SOX5: variants seen among roughly 807,000 people sequenced by gnomAD.
SOX5 encodes transcription factor SOX-5.
Under a neutral mutation model 92.0 loss-of-function variants are expected in SOX5, and 9 were observed. The observed-to-expected ratio is 0.10, with a 90% confidence interval of 0.06 to 0.17. The LOEUF (loss-of-function observed/expected upper bound fraction) is 0.17, where lower values mean the gene tolerates loss of function less well. Ranked by LOEUF, SOX5 falls within the 10% of genes least tolerant of loss-of-function variation. The pLI is 1.00. For missense variants in SOX5, 642 were observed against 944.5 expected, an observed-to-expected ratio of 0.68 and a Z score of 4.20; for synonymous variants, 344 against 336.3, an observed-to-expected ratio of 1.02 and a Z score of -0.25.
chr12:23,834,445 G>A (rs182295624), intron 3 of SOX5, among the ~76,000 whole-genome samples: 7 of 151,800 alleles, frequency 4.6e-5, no homozygotes, highest in African/African-American at 1.7e-4. Context: ...AGTAAGCCTC[G>A]TTTACTCATT....
intron 4 of SOX5, among the ~76,000 whole-genome samples, chr12:24,028,908 C>A (rs530536569): frequency 6.6e-6 from 1 of 151,972 alleles, no homozygotes; most frequent in Non-Finnish European, 1.5e-5. Context: ...AGAGAAAGGA[C>A]ATTTTATGCA....
chr12:23,998,907 G>A (rs1951311802), intron 4 of SOX5, among the ~76,000 whole-genome samples: 1 of 146,196 alleles, frequency 6.8e-6, no homozygotes, highest in Non-Finnish European at 1.5e-5. Context: ...ATATAATCAA[G>A]AAGCTCAACA....
chr12:23,627,638 T>C (rs977684591), intron 8 of SOX5, among the ~76,000 whole-genome samples: 29 of 152,144 alleles, frequency 1.9e-4, no homozygotes, highest in African/African-American at 6.3e-4. Flanking sequence ...GGAATAACAG[T>C]ATCTCATTTC....
chr12:23,587,107 A>G (rs941717114), intron 9 of SOX5, among the ~76,000 whole-genome samples: 3 of 151,964 alleles, frequency 2.0e-5, no homozygotes, highest in Admixed American at 6.6e-5. Context: ...CAAAACTATG[A>G]AAGTATGTTT....
chr12:23,922,002 A>G lies in SOX5; in HGVS notation c.39-25978T>C, dbSNP rs546258153. Among the ~76,000 whole-genome samples the G allele has an allele frequency of 2.0e-5, 3 of 152,344 alleles. No homozygotes were observed. The East Asian group carries it at 5.8e-4, about 29-fold the overall frequency. On this transcript the variant is annotated intron_variant, in intron 1 of 14. Coordinates refer to ENST00000451604, the MANE Select transcript of SOX5 (RefSeq NM_006940.6). ...TATAACAATTATTTCATTAAGGGCA[A>G]AGAATACAAAAATGATTATAGTCTG...
chr12:24,429,113 C>T (rs1041584549), intron 1 of SOX5, among the ~76,000 whole-genome samples: 8 of 151,926 alleles, frequency 5.3e-5, no homozygotes, highest in African/African-American at 1.7e-4. Flanking sequence ...GTCAGGAGAT[C>T]GAGACCATCC....
chr12:24,418,516 G>T (rs1965401424), intron 1 of SOX5, among the ~76,000 whole-genome samples: 1 of 152,156 alleles, frequency 6.6e-6, no homozygotes, highest in South Asian at 2.1e-4. Context: ...GGAAGAGATG[G>T]TCTCTTTCCC....
In SOX5 at chr12:24,340,315, T is replaced by G. The variant is rs145646246; in HGVS notation, c.-174+28248A>C. 1.5e-4 allele frequency among the ~76,000 whole-genome samples: 23 copies of G among 152,334 alleles called. No individual in the cohort carries two copies. In the East Asian group the frequency reaches 4.2e-3, roughly 28 times the overall value. ...TTTTAAGATTATCCCAAACCTAGTA[T>G]TAGGCTGAATCAAGTTAAGTTAAAC... On this transcript the variant is annotated intron_variant, in intron 2 of 4. Coordinates refer to the SOX5 transcript ENST00000446891.
At chr12:24,274,431 C>T (rs576341093) in intron 3 of SOX5, among the ~76,000 whole-genome samples, 4 of 152,264 alleles carry the variant, frequency 2.6e-5, no homozygotes, top group Admixed American at 1.3e-4. Context: ...AAACACTAGT[C>T]ACACCAGTGT....
rs777013504 is a variant in SOX5 at position 23,779,814 on chromosome 12, T to TATACACAC, written c.482-24091_482-24090insGTGTGTAT. On this transcript the variant is annotated intron_variant, in intron 3 of 14. Coordinates refer to ENST00000451604, the MANE Select transcript of SOX5 (RefSeq NM_006940.6). ...ATATATATATATATATATATATATA[T>TATACACAC]ACACACACACACACACACACACACA... Among the ~76,000 whole-genome samples, 441 of 110,778 alleles carry TATACACAC rather than the reference T, an allele frequency of 4.0e-3. 2 individuals are homozygous for TATACACAC. The highest frequency in any genetic ancestry group is 8.1e-3 in the African/African-American group (220 of 27,046). 72.7% of individuals were successfully genotyped at this position (110,778 alleles called of 152,430 possible).
chr12:23,919,250 T>C (rs1224408650), intron 1 of SOX5, among the ~76,000 whole-genome samples: 1 of 152,172 alleles, frequency 6.6e-6, no homozygotes, highest in Non-Finnish European at 1.5e-5. Flanking sequence ...GGTAGTTTCA[T>C]GTAGCTAACT....
At chr12:24,160,059 G>A (rs16927271) in intron 4 of SOX5, among the ~76,000 whole-genome samples, 18,187 of 150,984 alleles carry the variant, frequency 0.12, 1,535 homozygotes, top group East Asian at 0.42. Context: ...TCACTCCCTC[G>A]AACAATAGAA....
intron 6 of SOX5, among the ~76,000 whole-genome samples, chr12:23,711,554 C>T (rs951422776): frequency 2.6e-5 from 4 of 151,780 alleles, no homozygotes. Flanking sequence ...TTTCTAGTAT[C>T]TTCTAATACA....
intron 6 of SOX5, among the ~76,000 whole-genome samples, chr12:23,726,576 T>G (rs2093146901): frequency 6.6e-6 from 1 of 152,166 alleles, no homozygotes; most frequent in Admixed American, 6.6e-5. Flanking sequence ...TGACTTGCTT[T>G]GTTTTGTTTC....
At chr12:24,464,433 C>T (rs914664591) in intron 1 of SOX5, among the ~76,000 whole-genome samples, 4 of 152,046 alleles carry the variant, frequency 2.6e-5, no homozygotes, top group Non-Finnish European at 5.9e-5. Flanking sequence ...CGCCGCCTCC[C>T]GGGTTCACGC....
At chr12:24,319,022 T>A (rs1289480825) in intron 2 of SOX5, among the ~76,000 whole-genome samples, 1 of 152,178 alleles carries the variant, frequency 6.6e-6, no homozygotes, top group African/African-American at 2.4e-5. Flanking sequence ...CAGAATGACT[T>A]GCCTCCACCT....
chr12:24,392,669 T>C (rs1959114105), intron 1 of SOX5, among the ~76,000 whole-genome samples: 1 of 152,110 alleles, frequency 6.6e-6, no homozygotes, highest in Admixed American at 6.6e-5. Flanking sequence ...TATTTATTTA[T>C]TTCCATCTCT....
At chr12:24,072,174 A>G (rs912223422) in intron 4 of SOX5, among the ~76,000 whole-genome samples, 1 of 152,234 alleles carries the variant, frequency 6.6e-6, no homozygotes, top group Non-Finnish European at 1.5e-5. Flanking sequence ...AATAGCTGTG[A>G]CAACTATTCT....
rs199814329 is a variant in SOX5, at chr12:24,272,207, CT to C, written c.-77+5008del. 6.6e-5 allele frequency among the ~76,000 whole-genome samples: 10 copies of C among 152,100 alleles called. No individual in the cohort carries two copies. The East Asian group carries it at 1.9e-3, about 29-fold the overall frequency. On this transcript the variant is annotated intron_variant, in intron 3 of 4. Coordinates refer to the SOX5 transcript ENST00000446891. ...TTCCCCATAGAAATATTGTGCATCT[CT>C]TATTACCAGAAACTAGAAAAAATGA... is the stretch of plus-strand genomic sequence containing the variant.
Sources: gnomAD v4.1 joint callset for allele counts (sites outside exome capture counted in the v4.1 genomes callset) on GRCh38, gnomAD v4.1.1 for gene constraint, MANE v1.5 for transcripts, NCBI Gene and HGNC (gene_info 2026-07-23, HGNC 2026-07-21) for gene names.